Variants in HMGXB3 observed in about 807,000 individuals in gnomAD.
HMGXB3 encodes HMG domain-containing protein 3.
In HMGXB3, 45 loss-of-function variants were observed where a neutral mutation model predicts 121.5. The ratio of observed to expected loss-of-function variants is 0.37; its 90% confidence interval spans 0.29 to 0.47. The LOEUF is 0.47. Ranked by LOEUF, HMGXB3 falls within the 20% of genes least tolerant of loss-of-function variation. The pLI is 0.99. For synonymous variants in HMGXB3, 590 were observed against 624.1 expected (o/e 0.95, Z 0.81); for missense variants, 1,376 against 1,602.2 (o/e 0.86, Z 2.41).
intron 1 of HMGXB3, among the ~76,000 whole-genome samples, chr5:150,002,696 A>T (rs953094424): frequency 2.0e-5 from 3 of 151,670 alleles, no homozygotes; most frequent in Non-Finnish European, 4.4e-5. Context: ...TGAACTGGTT[A>T]TTAAGTTTTT....
chr5:150,011,936 A>G (rs1202876316), intron 4 of HMGXB3, among the ~76,000 whole-genome samples: 1 of 152,146 alleles, frequency 6.6e-6, no homozygotes, highest in East Asian at 1.9e-4. Context: ...TAAAGCAGGT[A>G]AATAGGGTGC....
chr5:150,024,436 C>T lies in HMGXB3; in HGVS notation c.1216C>T (p.Pro406Ser). 6.4e-7 allele frequency: 1 copy of T among 1,551,700 alleles called. No homozygotes were observed. ...AVSQLLNVAP[P>S]REVGEESEWE... ...AAGCCAGCTCCTGAACGTAGCTCCTCCCAGAGAAGTAGGTGAGGAGAGTGA... is the reference window on the plus strand; with the variant it reads ...AAGCCAGCTCCTGAACGTAGCTCCTTCCAGAGAAGTAGGTGAGGAGAGTGA... Residue 406 changes from proline to serine, a missense_variant, in exon 7 of 20, where the codon CCC becomes TCC. Coordinates refer to ENST00000502717, the MANE Select transcript of HMGXB3 (RefSeq NM_014983.3).
chr5:150,050,175 G>A, intron 18 of HMGXB3, 77 bp from the exon 19 acceptor site: 2 of 1,265,926 alleles, frequency 1.6e-6, no homozygotes, highest in Non-Finnish European at 2.2e-6. Context: ...TTCCTGGGAA[G>A]AAGCGAGTGA....
intron 15 of HMGXB3, among the ~76,000 whole-genome samples, chr5:150,042,290 C>T (rs1431034403): frequency 1.3e-5 from 2 of 152,216 alleles, no homozygotes; most frequent in Non-Finnish European, 2.9e-5. Context: ...TTTCTGTCCT[C>T]ATGGAGCTCA....
intron 15 of HMGXB3, among the ~76,000 whole-genome samples, chr5:150,042,548 C>T (rs919642132): frequency 2.7e-4 from 39 of 143,342 alleles, no homozygotes; most frequent in African/African-American, 9.7e-4. Context: ...CTGAGGAAGG[C>T]TTGCTGGGTA....
rs1374973444 is a variant in HMGXB3 at position 150,004,902 on chromosome 5, T to C, written c.50T>C (p.Ile17Thr). The change falls in exon 2 of 20, where the codon ATT (isoleucine) becomes ACT (threonine). Residue 17 changes from isoleucine (I) to threonine (T), a missense_variant. Ile to Thr is a moderately conservative substitution (Grantham distance 89). This residue lies in a region of HMGXB3 where 1,116 missense variants were observed against 1,369.0 expected (regional missense o/e 0.82). Coordinates refer to ENST00000502717, the MANE Select transcript of HMGXB3 (RefSeq NM_014983.3). ...GAGGTAACTGTCGTGATGGAGGAAA[T>C]TGAGGAAGCCTATTGTTACACCTCT... ...GTEVTVVMEE[I>T]EEAYCYTSPG... 1.3e-6 allele frequency: 2 copies of C among 1,551,716 alleles called. No individual in the cohort carries two copies. Among genetic ancestry groups the C allele is most frequent in the Non-Finnish European group, 1.7e-6 (2 of 1,146,960 alleles).
At chr5:150,008,618 G>C (rs1215357679) in intron 3 of HMGXB3, among the ~76,000 whole-genome samples, 1 of 152,230 alleles carries the variant, frequency 6.6e-6, no homozygotes, top group Non-Finnish European at 1.5e-5. Context: ...GCCTGTCAGA[G>C]CCCTGTGGCA....
At chr5:150,042,361 G>A (rs898248600) in intron 15 of HMGXB3, among the ~76,000 whole-genome samples, 1 of 152,210 alleles carries the variant, frequency 6.6e-6, no homozygotes, top group Non-Finnish European at 1.5e-5. Context: ...GTGCTGTGAA[G>A]CACAGTAAAG....
At chr5:150,041,280 C>T (rs531076756) in intron 14 of HMGXB3, among the ~76,000 whole-genome samples, 2 of 152,204 alleles carry the variant, frequency 1.3e-5, no homozygotes, top group Non-Finnish European at 2.9e-5. Flanking sequence ...TCCATGCCCT[C>T]TTTACTCCTA....
At chr5:150,034,282 A>G (rs1358885827) in intron 11 of HMGXB3, among the ~76,000 whole-genome samples, 1 of 152,096 alleles carries the variant, frequency 6.6e-6, no homozygotes, top group African/African-American at 2.4e-5. Context: ...TTAACTCCCT[A>G]TGAGACCACA....
At chr5:150,025,511 T>C (rs893758001) in intron 7 of HMGXB3, among the ~76,000 whole-genome samples, 5 of 152,216 alleles carry the variant, frequency 3.3e-5, no homozygotes, top group Non-Finnish European at 5.9e-5. Flanking sequence ...CCCATTTTTT[T>C]TTTAACACAA....
chr5:150,025,460 T>C (rs1024834631), intron 7 of HMGXB3, among the ~76,000 whole-genome samples: 12 of 152,096 alleles, frequency 7.9e-5, no homozygotes, highest in African/African-American at 2.7e-4. Context: ...TTGTATACCT[T>C]GTATGCAAAT....
At chr5:150,030,675 A>T (rs1224555262) in intron 9 of HMGXB3, 66 bp from the exon 10 acceptor site, 1 of 1,203,890 alleles carries the variant, frequency 8.3e-7, no homozygotes, top group Non-Finnish European at 1.2e-6. Flanking sequence ...AAGTCGTTTC[A>T]GGACATGGGA....
At chr5:150,020,587 T>C (rs182824033) in intron 6 of HMGXB3, among the ~76,000 whole-genome samples, 195 of 152,272 alleles carry the variant, frequency 1.3e-3, no homozygotes, top group Non-Finnish European at 1.8e-3. Flanking sequence ...TTTTTCCACT[T>C]TGAAATAACT....
At chr5:150,008,326 CT>C (rs1475310668) in intron 3 of HMGXB3, among the ~76,000 whole-genome samples, 3 of 151,880 alleles carry the variant, frequency 2.0e-5, no homozygotes, top group African/African-American at 7.3e-5. Flanking sequence ...ACCATTTTAA[CT>C]TTTGAGTCTT....
chr5:150,052,305 G>A lies in HMGXB3; in HGVS notation c.*113G>A. ...GTGGTCTCCTGTGGGGAGGGCCTCT[G>A]ACTGCTGGGACTGACCAAAGAGCTT... On this transcript the variant is annotated 3_prime_UTR_variant, in exon 20 of 20. Transcript: ENST00000502717. The A allele has an allele frequency of 1.3e-6, 1 of 795,540 alleles. No individual in the cohort carries two copies. Among genetic ancestry groups the A allele is most frequent in the East Asian group, 2.7e-5 (1 of 37,208 alleles). The allele number at this position is 795,540 out of a possible 1,614,324, so 49.3% of individuals were successfully genotyped here.
chr5:150,021,608 C>G (rs1756095418), intron 6 of HMGXB3: 1 of 485,084 alleles, frequency 2.1e-6, no homozygotes, highest in Non-Finnish European at 4.0e-6. Flanking sequence ...ACTCCTGGCT[C>G]AGTACTGATG....
At position 150,010,378 on chromosome 5, in the gene HMGXB3, G is replaced by A. The variant is rs1362527625; in HGVS notation, c.580G>A (p.Ala194Thr). The change falls in exon 4 of 20, where the codon GCC becomes ACC. Residue 194 changes from alanine to threonine, a missense_variant. Coordinates refer to ENST00000502717, the MANE Select transcript of HMGXB3 (RefSeq NM_014983.3). ...AVEALAEEVGALTQSGAVQEI... is the reference protein window; with the variant it reads ...AVEALAEEVGTLTQSGAVQEI... ...GGAGGCCCTGGCTGAGGAGGTGGGA[G>A]CCCTTACCCAGTCAGGTGCTGTACA... The A allele has an allele frequency of 1.3e-6, 2 of 1,551,680 alleles. No individual in the cohort carries two copies. Among genetic ancestry groups the A allele is most frequent in the South Asian group, 2.4e-5 (2 of 84,066 alleles).
intron 11 of HMGXB3, among the ~76,000 whole-genome samples, chr5:150,036,222 A>G (rs1756498249): frequency 6.6e-6 from 1 of 152,200 alleles, no homozygotes; most frequent in Non-Finnish European, 1.5e-5. Flanking sequence ...ATTTACTGAT[A>G]CAGGTTGACT....
Sources: gnomAD v4.1 joint callset for allele counts (sites outside exome capture counted in the v4.1 genomes callset) on GRCh38, gnomAD v4.1.1 for gene constraint, gnomAD v4.1.1 regional missense constraint, MANE v1.5 for transcripts, NCBI Gene and HGNC (gene_info 2026-07-23, HGNC 2026-07-21) for gene names.